Variants in GNAS observed in about 807,000 individuals in gnomAD.
The protein encoded by GNAS is GNAS complex locus.
Under a neutral mutation model 54.5 loss-of-function variants are expected in GNAS, and 8 were observed. The observed-to-expected ratio is 0.15, with a 90% CI of 0.09 to 0.26. GNAS has a LOEUF of 0.26. Among genes scored for constraint, GNAS ranks in the 10% least tolerant of loss-of-function variants. The probability of loss-of-function intolerance (pLI) is 1.00; values close to 1 mark genes in which losing one functional copy is unlikely to be tolerated. For missense variants in GNAS, 170 were observed against 529.8 expected, an observed-to-expected ratio of 0.32 and a Z score of 6.67; for synonymous variants, 204 against 191.4, an observed-to-expected ratio of 1.07 and a Z score of -0.54.
chr20:58,910,731 T>C lies in GNAS; in HGVS notation c.1087T>C (p.Phe363Leu), dbSNP rs1410235096. The change falls in exon 13 of 13, where the codon TTC (phenylalanine) becomes CTC (leucine). Residue 363 changes from phenylalanine (F) to leucine (L), a missense_variant. By Grantham distance (22) the Phe-to-Leu change is conservative. Coordinates refer to ENST00000371085, the MANE Select transcript of GNAS (RefSeq NM_000516.7). This position sits in a 1 kb window ranked among gnomAD's most constrained non-coding sequence, Gnocchi z 5.8. Reference protein sequence around the residue: ...GDGRHYCYPHFTCAVDTENIR... With the variant: ...GDGRHYCYPHLTCAVDTENIR... ...TGGGCGTCACTACTGCTACCCTCAT[T>C]TCACCTGCGCTGTGGACACTGAGAA... The C allele has an allele frequency of 6.2e-7, 1 of 1,614,052 alleles. No individual in the cohort carries two copies. Among genetic ancestry groups the C allele is most frequent in the East Asian group, 2.2e-5 (1 of 44,900 alleles).
chr20:58,873,135 G>A lies in GNAS; in HGVS notation c.44-22477G>A, dbSNP rs1050999294. ...TGTTGCTTTGAGACTTAGCAAAATG[G>A]CTGATTAGGGGCCAGTGTTGGGGAA... is the stretch of plus-strand genomic sequence containing the variant. On this transcript the variant is annotated intron_variant, in intron 1 of 12. Transcript: ENST00000306090. This position sits in a 1 kb window ranked among gnomAD's most constrained non-coding sequence, Gnocchi z 4.3. Among the ~76,000 whole-genome samples, 12 of 152,154 alleles carry A rather than the reference G, an allele frequency of 7.9e-5. No homozygotes were observed. Among genetic ancestry groups the A allele is most frequent in the African/African-American group, 2.9e-4 (12 of 41,408 alleles).
At chr20:58,890,258 CGCCGCCGCG>C (rs995444602), upstream of GNAS, among the ~76,000 whole-genome samples, 159 of 150,646 alleles carry the variant, frequency 1.1e-3, no homozygotes, top group African/African-American at 2.7e-3. Context: ...CCGAGGCCGC[CGCCGCCGCG>C]GCCGCCGCCG....
At chr20:58,893,493 AAAT>A (rs1385232230) in intron 1 of GNAS, among the ~76,000 whole-genome samples, 1 of 152,228 alleles carries the variant, frequency 6.6e-6, no homozygotes, top group Non-Finnish European at 1.5e-5. Flanking sequence ...AGTATAAAGA[AAAT>A]AATAAAAGGC....
intron 1 of GNAS, among the ~76,000 whole-genome samples, chr20:58,869,956 C>T (rs769477640): frequency 6.6e-6 from 1 of 152,160 alleles, no homozygotes; most frequent in African/African-American, 2.4e-5. Context: ...GAACAGGTAC[C>T]GTTGCCATTC....
At position 58,905,235 on chromosome 20, in the gene GNAS, G is replaced by A. The variant is rs568166653; in HGVS notation, c.433-148G>A. ...AACGTGTTGAATTAAAGTTCTTTGT[G>A]AGCATTAATTCATTAATTGGGCTCA... is the stretch of plus-strand genomic sequence containing the variant. On this transcript the variant is annotated intron_variant, in intron 5 of 12. Transcript: ENST00000371085. 95 of 675,360 alleles carry A rather than the reference G, an allele frequency of 1.4e-4. 1 individual carries two copies. The South Asian group carries it at 1.5e-3, about 11-fold the overall frequency. 41.8% of individuals were successfully genotyped at this position (675,360 alleles called of 1,614,324 possible). A position where few individuals can be genotyped will look rare whatever the true frequency, so the allele number is the denominator to read the frequency against.
Position 58,880,038 on chromosome 20 carries a change from A to ATC in GNAS, c.44-15560_44-15559dup, listed in dbSNP as rs751856108. On this transcript the variant is annotated intron_variant, in intron 1 of 12. Transcript: ENST00000306090. ...AAGTCACCAAAACTGAGACTAGATA[A>ATC]TCTCTCTCTCTCTCTTTTTCCTCGT... is the stretch of plus-strand genomic sequence containing the variant. Among the ~76,000 whole-genome samples, 15 of 151,786 alleles carry ATC rather than the reference A, an allele frequency of 9.9e-5. 1 individual carries two copies. In the East Asian group the frequency reaches 1.5e-3, roughly 16 times the overall value.
chr20:58,900,232 T>C, intron 3 of GNAS: 1 of 527,338 alleles, frequency 1.9e-6, no homozygotes, highest in South Asian at 2.2e-5. Context: ...GTACCAAAAG[T>C]TGGCATTTGA....
In GNAS at chr20:58,854,567, C is replaced by A; in HGVS notation, c.43+13681C>A. The A allele has an allele frequency of 3.8e-6, 6 of 1,563,214 alleles. No individual in the cohort carries two copies. Among genetic ancestry groups the A allele is most frequent in the Non-Finnish European group, 4.3e-6 (5 of 1,163,360 alleles). On this transcript the variant is annotated intron_variant, in intron 1 of 12. Transcript: ENST00000306090. ...CAGCCGATCCCGACTCCGGGGCAGC[C>A]CCTGCCGCCCCAGCCGATCCCGACT...
Position 58,895,637 on chromosome 20 carries a change from C to G in GNAS, c.165C>G (p.Thr55=). The G allele has an allele frequency of 6.2e-7, 1 of 1,605,904 alleles. No individual in the cohort carries two copies. Among genetic ancestry groups the G allele is most frequent in the Non-Finnish European group, 8.5e-7 (1 of 1,172,546 alleles). ...LLGAGESGKS[T]IVKQMRILHV... ...GTGCTGGAGAATCTGGTAAAAGCAC[C>G]ATTGTGAAGCAGATGAGGATCCTGC... The change falls in exon 2 of 13, where the codon ACC becomes ACG. Residue 55 remains threonine (T), a synonymous_variant. Coordinates refer to ENST00000371085, the MANE Select transcript of GNAS (RefSeq NM_000516.7).
intron 1 of GNAS, among the ~76,000 whole-genome samples, chr20:58,877,570 A>G (rs2087909138): frequency 6.6e-6 from 1 of 152,180 alleles, no homozygotes; most frequent in Admixed American, 6.5e-5. Context: ...GTGAGGTTGA[A>G]ATGGACACTT....
chr20:58,889,060 G>A, upstream of GNAS: 1 of 1,013,304 alleles, frequency 9.9e-7, no homozygotes, highest in Non-Finnish European at 1.2e-6. Flanking sequence ...CGTCCCCGGT[G>A]GGCCGATTTT....
chr20:58,899,720 C>CCACACGCGCCGCGCACACA (rs2090434611), intron 3 of GNAS, among the ~76,000 whole-genome samples: 1 of 151,786 alleles, frequency 6.6e-6, no homozygotes, highest in Non-Finnish European at 1.5e-5. Context: ...GCACACACAG[C>CCACACGCGCCGCGCACACA]CACACGCGCC....
rs777051187 is a variant in GNAS, at chr20:58,854,144, T to C, written c.43+13258T>C. On this transcript the variant is annotated intron_variant, in intron 1 of 12. Coordinates refer to the GNAS transcript ENST00000306090. ...CCCAAGAGGCTGTCAGACCTCCTTC[T>C]AACTTCACGGGCAGCAGCCCCTGGA... The C allele has an allele frequency of 1.2e-6, 2 of 1,612,518 alleles. No homozygotes were observed. Among genetic ancestry groups the C allele is most frequent in the Non-Finnish European group, 1.7e-6 (2 of 1,179,826 alleles).
intron 1 of GNAS, among the ~76,000 whole-genome samples, chr20:58,874,709 CTCTATCTTTGCTGCTGGCCTGCCT>C (rs2087690531): frequency 6.6e-6 from 1 of 150,470 alleles, no homozygotes; most frequent in African/African-American, 2.4e-5. Flanking sequence ...CTGGCCTGCC[CTCTATCTTTGCTGCTGGCCTGCCT>C]TCCATCTTAG....
intron 1 of GNAS, chr20:58,843,182 C>G (rs1047280949): frequency 1.3e-5 from 2 of 150,722 alleles, no homozygotes; most frequent in Admixed American, 1.3e-4. Context: ...CACTCTCCCC[C>G]GCTCAATTCC....
At chr20:58,878,912 T>TGGGGGGGGGGGGGGGGGGGGGGGGGGGG (rs11086659) in intron 1 of GNAS, among the ~76,000 whole-genome samples, 1 of 95,388 alleles carries the variant, frequency 1.0e-5, no homozygotes. Context: ...GGGGTGCGGG[T>TGGGGGGGGGGGGGGGGGGGGGGGGGGGG]GGGGGGGGGA....
intron 1 of GNAS, among the ~76,000 whole-genome samples, chr20:58,879,307 T>G (rs1223557631): frequency 1.3e-5 from 2 of 152,340 alleles, no homozygotes; most frequent in East Asian, 3.9e-4. Flanking sequence ...GATCCATTCT[T>G]TCACTTGTAG....
intron 1 of GNAS, among the ~76,000 whole-genome samples, chr20:58,849,282 C>A (rs1296692605): frequency 6.6e-6 from 1 of 152,152 alleles, no homozygotes; most frequent in Non-Finnish European, 1.5e-5. Flanking sequence ...ATGAGATGTG[C>A]TGAGTGGTTC....
chr20:58,876,940 C>A (rs2087861866), intron 1 of GNAS: 2 of 152,328 alleles, frequency 1.3e-5, no homozygotes, highest in Non-Finnish European at 2.9e-5. Context: ...TGATTTTCTC[C>A]CCACCCTCGC....
Sources: gnomAD v4.1 joint callset for allele counts (sites outside exome capture counted in the v4.1 genomes callset) on GRCh38, gnomAD v4.1.1 for gene constraint, Gnocchi (gnomAD v3.1) non-coding constraint, MANE v1.5 for transcripts, NCBI Gene and HGNC (gene_info 2026-07-23, HGNC 2026-07-21) for gene names.